Variants in EGF observed in about 807,000 individuals in gnomAD.
The protein encoded by EGF is pro-epidermal growth factor.
Under a neutral mutation model 143.8 loss-of-function variants are expected in EGF, and 95 were observed. The observed-to-expected ratio is 0.66, with a 90% CI of 0.56 to 0.78. The LOEUF is 0.78. Ranked by LOEUF, EGF falls within the 30% of genes least tolerant of loss-of-function variation. The pLI is 0.00. For missense variants in EGF, 1,320 were observed against 1,470.9 expected, an observed-to-expected ratio of 0.90 and a Z score of 1.68; for synonymous variants, 510 against 510.5, an observed-to-expected ratio of 1.00 and a Z score of 0.01.
intron 13 of EGF, 29 bp downstream of exon 13, chr4:109,976,264 A>G (rs761003154): frequency 3.2e-6 from 5 of 1,582,330 alleles, no homozygotes; most frequent in African/African-American, 1.3e-5. Context: ...CGATTTTTTC[A>G]TCTTGACTGA....
intron 21 of EGF, chr4:110,002,159 CTTGTTTGATACCGT>C (rs1183820036): frequency 1.1e-5 from 6 of 539,830 alleles, no homozygotes; most frequent in Non-Finnish European, 1.2e-5. Flanking sequence ...TCTTGTCTAG[CTTGTTTGATACCGT>C]TTGTCTTCTG....
At chr4:109,990,455 T>C (rs1750778433) in intron 18 of EGF, among the ~76,000 whole-genome samples, 1 of 152,068 alleles carries the variant, frequency 6.6e-6, no homozygotes, top group Admixed American at 6.6e-5. Flanking sequence ...TTTGCAGAAA[T>C]GTGAAGGGAT....
chr4:109,966,328 A>G (rs940085920), intron 10 of EGF, among the ~76,000 whole-genome samples: 8 of 152,080 alleles, frequency 5.3e-5, no homozygotes, highest in African/African-American at 1.4e-4. Flanking sequence ...GAGTCATTTC[A>G]CTTAGTATAA....
Position 109,913,382 on chromosome 4 carries a change from G to C in EGF, c.47G>C (p.Ser16Thr), listed in dbSNP as rs200394315. The change falls in exon 1 of 24, where the codon AGT (serine) becomes ACT (threonine). Residue 16 changes from serine (S) to threonine (T), a missense_variant. Transcript: ENST00000265171. ...CTGTTGCCAGTAGTTTCAAAATTTA[G>C]TTTTGTTAGTCTCTCAGCACCGCAG... ...IILLPVVSKF[S>T]FVSLSAPQHW... 2.3e-4 allele frequency: 378 copies of C among 1,613,854 alleles called. 1 individual carries two copies. Among genetic ancestry groups the C allele is most frequent in the South Asian group, 9.6e-4 (87 of 91,076 alleles).
intron 5 of EGF, among the ~76,000 whole-genome samples, chr4:109,951,475 T>C (rs981839146): frequency 6.6e-6 from 1 of 152,200 alleles, no homozygotes; most frequent in Non-Finnish European, 1.5e-5. Flanking sequence ...CATAGGTTTT[T>C]TTGTTGTTGT....
Position 109,959,339 on chromosome 4 carries a change from G to A in EGF, c.968G>A (p.Gly323Glu). ...CAGAAACTTTGCAAATTGAGGAAAG[G>A]AAACTGCAGCAGCACTGTGTGTGGG... ...PEQKLCKLRK[G>E]NCSSTVCGQD... Residue 323 changes from glycine to glutamate, a missense_variant, in exon 6 of 24, where the codon GGA becomes GAA. Around this residue, in one of 5 missense-constraint regions of EGF, gnomAD observed 1,186 missense variants for 1,313.7 expected, o/e 0.90. Transcript: ENST00000265171. 1.9e-6 allele frequency: 3 copies of A among 1,614,060 alleles called. No homozygotes were observed. Among genetic ancestry groups the A allele is most frequent in the Non-Finnish European group, 2.5e-6 (3 of 1,179,934 alleles).
intron 5 of EGF, among the ~76,000 whole-genome samples, chr4:109,948,774 C>T (rs897375135): frequency 1.3e-5 from 2 of 152,158 alleles, no homozygotes; most frequent in Admixed American, 1.3e-4. Context: ...GCATGAGCCA[C>T]TGTGCCCAGC....
At chr4:109,978,265 A>T (rs1000745406) in intron 13 of EGF, among the ~76,000 whole-genome samples, 12 of 152,246 alleles carry the variant, frequency 7.9e-5, no homozygotes, top group African/African-American at 2.9e-4. Flanking sequence ...GTTGTATGCA[A>T]TAAAAACATA....
At chr4:109,935,758 G>T (rs371465558) in intron 1 of EGF, among the ~76,000 whole-genome samples, 3 of 152,190 alleles carry the variant, frequency 2.0e-5, no homozygotes, top group South Asian at 4.1e-4. Flanking sequence ...GCATGTAAGG[G>T]TGTTGAATTT....
intron 1 of EGF, among the ~76,000 whole-genome samples, chr4:109,933,187 C>A (rs186765462): frequency 1.3e-5 from 2 of 152,304 alleles, no homozygotes; most frequent in Admixed American, 6.5e-5. Flanking sequence ...GGACTGGAAA[C>A]CAGGCCTCTG....
At chr4:109,947,397 T>C (rs577034118) in intron 5 of EGF, among the ~76,000 whole-genome samples, 1 of 151,816 alleles carries the variant, frequency 6.6e-6, no homozygotes, top group Non-Finnish European at 1.5e-5. Context: ...TTTTTTAAGA[T>C]GGAGTCTTGC....
At chr4:109,959,490 G>C (rs745521297) in intron 6 of EGF, 53 bp downstream of exon 6, 11 of 1,610,652 alleles carry the variant, frequency 6.8e-6, no homozygotes, top group Non-Finnish European at 9.3e-6. Context: ...CTTGAGGGGA[G>C]GAATGCTCAA....
rs11569048 is a variant in EGF, at chr4:109,988,141, AT to A, written c.2608+284del. Among the ~76,000 whole-genome samples the A allele has an allele frequency of 0.029, 4,450 of 151,944 alleles. 242 individuals are homozygous for A. The highest frequency in any genetic ancestry group is 0.16 in the East Asian group (812 of 5,172). ...TTTATAATTAGCTTTAGAAGCATGAATTTGAGTTCAAGTCAAGTTTATGACT... is the reference window on the plus strand; with the variant it reads ...TTTATAATTAGCTTTAGAAGCATGAATTGAGTTCAAGTCAAGTTTATGACT... On this transcript the variant is annotated intron_variant, in intron 17 of 23. Coordinates refer to ENST00000265171, the MANE Select transcript of EGF (RefSeq NM_001963.6).
At chr4:109,995,023 C>G in intron 20 of EGF, 143 bp downstream of exon 20, 1 of 929,246 alleles carries the variant, frequency 1.1e-6, no homozygotes, top group Admixed American at 2.0e-5. Flanking sequence ...ATATGAACCA[C>G]GTGTGTGCAC....
At chr4:109,940,499 A>G (rs940299067) in intron 1 of EGF, among the ~76,000 whole-genome samples, 2 of 152,174 alleles carry the variant, frequency 1.3e-5, no homozygotes, top group Non-Finnish European at 2.9e-5. Flanking sequence ...CTTCTAGGTC[A>G]TTATGCTGAA....
chr4:109,931,938 AT>A (rs994166850), intron 1 of EGF, among the ~76,000 whole-genome samples: 1 of 152,108 alleles, frequency 6.6e-6, no homozygotes. Context: ...TAACTACTCT[AT>A]TTTTTTGAAA....
intron 18 of EGF, among the ~76,000 whole-genome samples, chr4:109,991,695 T>C (rs537083638): frequency 6.6e-6 from 1 of 152,374 alleles, no homozygotes; most frequent in Admixed American, 6.5e-5. Flanking sequence ...TGATATAATA[T>C]GTATGTCAAT....
chr4:109,969,255 C>G, intron 11 of EGF, 136 bp downstream of exon 11: 1 of 1,104,964 alleles, frequency 9.1e-7, no homozygotes, highest in Non-Finnish European at 1.4e-6. Context: ...AAGAGGCCAC[C>G]ATTGCGGTCC....
chr4:109,990,330 A>G (rs1450857325), intron 18 of EGF, among the ~76,000 whole-genome samples: 1 of 152,200 alleles, frequency 6.6e-6, no homozygotes, highest in African/African-American at 2.4e-5. Context: ...ATCATAAGAG[A>G]AGTAAAAACC....
Sources: gnomAD v4.1 joint callset for allele counts (sites outside exome capture counted in the v4.1 genomes callset) on GRCh38, gnomAD v4.1.1 for gene constraint, gnomAD v4.1.1 regional missense constraint, MANE v1.5 for transcripts, NCBI Gene and HGNC (gene_info 2026-07-23, HGNC 2026-07-21) for gene names.